FRAS1: variants seen among roughly 807,000 people sequenced by gnomAD.
FRAS1 encodes the protein extracellular matrix organizing protein FRAS1.
FRAS1 carries 290 observed loss-of-function variants against 435.2 expected under a neutral mutation model. The observed-to-expected ratio is 0.67, with a 90% CI of 0.61 to 0.73. FRAS1 has a LOEUF of 0.73. Among genes scored for constraint, FRAS1 ranks in the 30% least tolerant of loss-of-function variants. The pLI is 0.00. For missense variants in FRAS1, 4,860 were observed against 5,001.5 expected (o/e 0.97, Z 0.85); for synonymous variants, 1,800 against 1,851.0 (o/e 0.97, Z 0.71).
At chr4:78,376,793 C>T (rs745424897) in intron 26 of FRAS1, among the ~76,000 whole-genome samples, 3 of 152,056 alleles carry the variant, frequency 2.0e-5, no homozygotes, top group Non-Finnish European at 4.4e-5. Context: ...GAGTTCAAGA[C>T]CAGCCTGGTC....
chr4:78,369,396 T>A (rs1348424203), intron 22 of FRAS1, among the ~76,000 whole-genome samples: 1 of 152,192 alleles, frequency 6.6e-6, no homozygotes, highest in Non-Finnish European at 1.5e-5. Flanking sequence ...GTCCTTTGTA[T>A]CTTAAAGTAT....
chr4:78,289,496 G>A (rs759215879), intron 14 of FRAS1, among the ~76,000 whole-genome samples: 4 of 152,118 alleles, frequency 2.6e-5, no homozygotes, highest in Non-Finnish European at 4.4e-5. Flanking sequence ...AACCTAAACC[G>A]GAGACAGATG....
chr4:78,088,646 G>C (rs1188581774), intron 2 of FRAS1, among the ~76,000 whole-genome samples: 1 of 152,134 alleles, frequency 6.6e-6, no homozygotes, highest in African/African-American at 2.4e-5. Context: ...CTCAAAAGAA[G>C]ACATTTATGC....
intron 37 of FRAS1, among the ~76,000 whole-genome samples, chr4:78,430,738 C>G (rs1374081845): frequency 6.6e-6 from 1 of 152,098 alleles, no homozygotes; most frequent in African/African-American, 2.4e-5. Flanking sequence ...TGCCACTTTC[C>G]TAGCACTGTT....
intron 2 of FRAS1, among the ~76,000 whole-genome samples, chr4:78,103,957 T>G (rs530818182): frequency 1.3e-5 from 2 of 152,242 alleles, no homozygotes; most frequent in Non-Finnish European, 2.9e-5. Context: ...TTGTGCCAGA[T>G]AGCAGCACCT....
At chr4:78,425,995 T>A (rs2110380426) in intron 35 of FRAS1, among the ~76,000 whole-genome samples, 1 of 151,982 alleles carries the variant, frequency 6.6e-6, no homozygotes, top group South Asian at 2.1e-4. Context: ...AAGGCTGAGG[T>A]GGGAGGATTG....
Position 78,278,736 on chromosome 4 carries a change from G to A in FRAS1, c.1063G>A (p.Gly355Arg), listed in dbSNP as rs983019309. Residue 355 changes from glycine to arginine, a missense_variant, in exon 10 of 74, where the codon GGA (glycine) becomes AGA (arginine). Physicochemically the swap from Gly to Arg is moderately radical, Grantham distance 125. Transcript: ENST00000512123. ...RNGYCVYEET[G>R]EFMSSNASEV... ...TGGTTATTGTGTTTATGAAGAAACTGGAGAATTTGTGAGTATCAGGCTTAT... is the reference window on the plus strand; with the variant it reads ...TGGTTATTGTGTTTATGAAGAAACTAGAGAATTTGTGAGTATCAGGCTTAT... 8.8e-6 allele frequency: 14 copies of A among 1,584,708 alleles called. No homozygotes were observed. The Admixed American group carries it at 2.4e-4, about 27-fold the overall frequency.
chr4:78,095,030 C>T lies in FRAS1; in HGVS notation c.108+29014C>T, dbSNP rs901625955. ...AAACCTGATATAAGATCATCACACT[C>T]TTCCCAGGACTGGCCCCATCACTGG... On this transcript the variant is annotated intron_variant, in intron 2 of 73. Coordinates refer to ENST00000512123, the MANE Select transcript of FRAS1 (RefSeq NM_025074.7). 7.2e-5 allele frequency among the ~76,000 whole-genome samples: 11 copies of T among 152,358 alleles called. 1 individual carries two copies. The highest frequency in any genetic ancestry group is 2.6e-4 in the African/African-American group (11 of 41,584).
At chr4:78,264,962 C>T (rs564608408) in intron 6 of FRAS1, 63 bp from the exon 7 acceptor site, 16 of 975,318 alleles carry the variant, frequency 1.6e-5, no homozygotes, top group Admixed American at 5.7e-5. Flanking sequence ...ATGAAATTTT[C>T]CTGCTGTTGT....
chr4:78,256,623 C>T (rs1489523579), intron 6 of FRAS1, among the ~76,000 whole-genome samples: 1 of 152,168 alleles, frequency 6.6e-6, no homozygotes, highest in Non-Finnish European at 1.5e-5. Context: ...TACTGTTTCT[C>T]ATATTTAAAA....
chr4:78,265,383 AAAG>A (rs1726300030), intron 7 of FRAS1, among the ~76,000 whole-genome samples: 1 of 152,200 alleles, frequency 6.6e-6, no homozygotes, highest in Non-Finnish European at 1.5e-5. Context: ...AGGGGGAAAA[AAAG>A]GGCTATTATT....
rs138794523 is a variant in FRAS1 at position 78,234,762 on chromosome 4, G to A, written c.109-2748G>A. Among the ~76,000 whole-genome samples the A allele has an allele frequency of 2.4e-4, 36 of 152,304 alleles. No individual in the cohort carries two copies. The East Asian group carries it at 6.9e-3, about 29-fold the overall frequency. On this transcript the variant is annotated intron_variant, in intron 2 of 73. Transcript: ENST00000512123. ...TAAATGACTTTGGAGAGGCCACAGA[G>A]TTTGAAGCACATTCCCTGAGAGGTT...
chr4:78,428,911 C>G (rs1211798494), intron 35 of FRAS1, among the ~76,000 whole-genome samples, 184 bp from the exon 36 acceptor site: 1 of 152,106 alleles, frequency 6.6e-6, no homozygotes, highest in Non-Finnish European at 1.5e-5. Context: ...CAGTATCTTG[C>G]TTGCTTACTT....
At chr4:78,404,261 C>T (rs1401936507) in intron 30 of FRAS1, among the ~76,000 whole-genome samples, 3 of 152,084 alleles carry the variant, frequency 2.0e-5, no homozygotes, top group African/African-American at 7.2e-5. Flanking sequence ...TAAATCTTCC[C>T]TTCAAAATTA....
intron 14 of FRAS1, among the ~76,000 whole-genome samples, chr4:78,301,719 G>A (rs1475921504): frequency 1.3e-5 from 2 of 152,054 alleles, no homozygotes; most frequent in Admixed American, 6.6e-5. Flanking sequence ...TCATTAAGCA[G>A]TCCTTCTTTC....
At chr4:78,101,289 TAGAACAC>T (rs1357194984) in intron 2 of FRAS1, among the ~76,000 whole-genome samples, 1 of 152,218 alleles carries the variant, frequency 6.6e-6, no homozygotes, top group Non-Finnish European at 1.5e-5. Context: ...GTCTTCGGAT[TAGAACAC>T]CTTTGTGCTT....
Position 78,142,109 on chromosome 4 carries a change from A to C in FRAS1, c.108+76093A>C, listed in dbSNP as rs190388175. Among the ~76,000 whole-genome samples, 291 of 151,572 alleles carry C rather than the reference A, an allele frequency of 1.9e-3. 1 individual carries two copies. The highest frequency in any genetic ancestry group is 6.6e-3 in the African/African-American group (270 of 41,172). On this transcript the variant is annotated intron_variant, in intron 2 of 73. Transcript: ENST00000512123. The stretch of plus-strand genomic sequence containing the variant: ...GAACTTACTCATATAACCAAATACC[A>C]CCTGTACCTCAATAACTTATGGAAA...
intron 2 of FRAS1, among the ~76,000 whole-genome samples, chr4:78,118,912 A>G (rs1443855222): frequency 1.3e-5 from 2 of 152,014 alleles, no homozygotes; most frequent in Non-Finnish European, 2.9e-5. Context: ...TGCATCACTC[A>G]CGCTGGGAGC....
At chr4:78,066,260 A>G (rs1740034380) in intron 2 of FRAS1, among the ~76,000 whole-genome samples, 1 of 152,188 alleles carries the variant, frequency 6.6e-6, no homozygotes, top group South Asian at 2.1e-4. Flanking sequence ...CACGATTTAC[A>G]TTCTGTGGCT....
Sources: allele counts gnomAD v4.1 joint callset (sites outside exome capture counted in the v4.1 genomes callset), GRCh38; gene constraint gnomAD v4.1.1; transcripts MANE v1.5; gene names NCBI Gene and HGNC (gene_info 2026-07-23, HGNC 2026-07-21).